The following ZNF33B variants were observed in gnomAD, a reference collection of about 807,000 sequenced individuals.
The protein encoded by ZNF33B is zinc finger protein 11b (KOX 2).
Under a neutral mutation model 45.8 loss-of-function variants are expected in ZNF33B, and 29 were observed. That is an observed-to-expected ratio of 0.63 (90% CI 0.47 to 0.86). The LOEUF is 0.86. ZNF33B is among the 40% of genes least tolerant of loss of function. The probability of loss-of-function intolerance (pLI) is 0.00; values close to 1 mark genes in which losing one functional copy is unlikely to be tolerated. For missense variants in ZNF33B, 831 were observed against 909.9 expected (o/e 0.91, Z 1.12); for synonymous variants, 305 against 307.8 (o/e 0.99, Z 0.10).
At position 42,631,705 on chromosome 10, in the gene ZNF33B, G is replaced by C. The variant is rs145533688; in HGVS notation, c.250+224C>G. On this transcript the variant is annotated intron_variant, in intron 4 of 4. Transcript: ENST00000359467. ...TGGGCAAAGACTGAACTATTGGCAG[G>C]TGTAAGAATGGTAAACCTTCAAAAA... The C allele has an allele frequency of 2.1e-3, 1,007 of 490,676 alleles. 7 individuals carry two copies. Among genetic ancestry groups the C allele is most frequent in the African/African-American group, 0.017 (856 of 51,470 alleles). 30.4% of individuals were successfully genotyped at this position (490,676 alleles called of 1,614,324 possible).
downstream of ZNF33B, among the ~76,000 whole-genome samples, chr10:42,586,949 G>A (rs552720608): frequency 2.6e-5 from 4 of 152,132 alleles, no homozygotes; most frequent in Admixed American, 6.5e-5. Context: ...GATGAAAGGT[G>A]AGTATCCAGT....
chr10:42,593,377 A>G lies in ZNF33B; in HGVS notation c.1573T>C (p.Tyr525His). Reference sequence around the variant, plus strand: ...GTTTTCCCACATTCATAACATTCATAAGGTTTCAACCCTGTATGAATTATC... The same window carrying G: ...GTTTTCCCACATTCATAACATTCATGAGGTTTCAACCCTGTATGAATTATC... ...HQIIHTGLKP[Y>H]ECYECGKTFC... is the part of the protein sequence containing the mutation. Residue 525 changes from tyrosine to histidine, a missense_variant, in exon 5 of 5, where the codon TAT becomes CAT. Transcript: ENST00000359467. 1 of 1,613,698 alleles carries G rather than the reference A, an allele frequency of 6.2e-7. No homozygotes were observed. The highest frequency in any genetic ancestry group is 8.5e-7 in the Non-Finnish European group (1 of 1,179,850).
At chr10:42,584,185 G>C (rs1209202228), downstream of ZNF33B, among the ~76,000 whole-genome samples, 1 of 152,222 alleles carries the variant, frequency 6.6e-6, no homozygotes, top group African/African-American at 2.4e-5. Context: ...TGTGTCAACA[G>C]GACCAACTCT....
Position 42,593,770 on chromosome 10 carries a change from A to C in ZNF33B, c.1180T>G (p.Phe394Val). The C allele has an allele frequency of 6.2e-7, 1 of 1,613,916 alleles. No homozygotes were observed. Among genetic ancestry groups the C allele is most frequent in the South Asian group, 1.1e-5 (1 of 91,062 alleles). The part of the protein sequence containing the change: ...PFECNECGKA[F>V]SHKSALTLHQ... ...AATGTGAGGGCTGACTTATGGCTAA[A>C]GGCTTTCCCACATTCATTGCATTCA... The change falls in exon 5 of 5, where the codon TTT becomes GTT. Residue 394 changes from phenylalanine (F) to valine (V), a missense_variant. Physicochemically the swap from Phe to Val is conservative, Grantham distance 50. Transcript: ENST00000359467.
intron 1 of ZNF33B, among the ~76,000 whole-genome samples, chr10:42,577,955 T>A (rs1228897307): frequency 6.6e-6 from 1 of 151,912 alleles, no homozygotes; most frequent in Non-Finnish European, 1.5e-5. Flanking sequence ...AGGCAGTGAG[T>A]GGGCAGGGGT....
At chr10:42,600,821 C>G (rs1837589087) in intron 4 of ZNF33B, among the ~76,000 whole-genome samples, 1 of 152,092 alleles carries the variant, frequency 6.6e-6, no homozygotes, top group Non-Finnish European at 1.5e-5. Flanking sequence ...CCCCACAATA[C>G]ATTTGATGTT....
chr10:42,579,571 C>T (rs1221388606), intron 1 of ZNF33B, among the ~76,000 whole-genome samples: 5 of 152,042 alleles, frequency 3.3e-5, no homozygotes, highest in Admixed American at 3.3e-4. Flanking sequence ...AGTGTGCATC[C>T]AAAAAGTACA....
intron 4 of ZNF33B, among the ~76,000 whole-genome samples, chr10:42,623,324 C>G (rs1838671393): frequency 6.6e-6 from 1 of 152,090 alleles, no homozygotes; most frequent in African/African-American, 2.4e-5. Context: ...CCCCAAAAAG[C>G]TAAAAGAAAT....
chr10:42,610,642 C>A (rs901176918), intron 4 of ZNF33B, among the ~76,000 whole-genome samples: 3 of 152,092 alleles, frequency 2.0e-5, no homozygotes, highest in Non-Finnish European at 2.9e-5. Context: ...CTGAAAACCA[C>A]AAAACAATGA....
At chr10:42,602,441 C>A (rs1329707753) in intron 4 of ZNF33B, among the ~76,000 whole-genome samples, 1 of 152,020 alleles carries the variant, frequency 6.6e-6, no homozygotes, top group African/African-American at 2.4e-5. Flanking sequence ...ATTTCAATTT[C>A]CTGGTTAGTC....
At chr10:42,586,076 G>A (rs539346538), downstream of ZNF33B, among the ~76,000 whole-genome samples, 3 of 152,038 alleles carry the variant, frequency 2.0e-5, no homozygotes, top group Admixed American at 6.5e-5. Context: ...TTTGCTTTAC[G>A]GTTTCTCTAG....
At chr10:42,621,329 T>TA (rs142897968) in intron 4 of ZNF33B, among the ~76,000 whole-genome samples, 75 of 148,844 alleles carry the variant, frequency 5.0e-4, no homozygotes, top group Middle Eastern at 3.4e-3. Flanking sequence ...GAGACTCTTT[T>TA]AAAAAAAAAA....
At chr10:42,637,232 A>G (rs562139695) in intron 1 of ZNF33B, among the ~76,000 whole-genome samples, 5 of 152,194 alleles carry the variant, frequency 3.3e-5, no homozygotes, top group Non-Finnish European at 5.9e-5. Flanking sequence ...AAGGATTTCA[A>G]TCTCCCTCAG....
At chr10:42,630,418 T>C (rs1471791433) in intron 4 of ZNF33B, among the ~76,000 whole-genome samples, 2 of 152,206 alleles carry the variant, frequency 1.3e-5, no homozygotes, top group Non-Finnish European at 2.9e-5. Context: ...AAAAATTTAA[T>C]TATAGTGTGA....
chr10:42,606,783 C>G (rs1254613628), intron 4 of ZNF33B, among the ~76,000 whole-genome samples: 1 of 109,104 alleles, frequency 9.2e-6, no homozygotes, highest in Non-Finnish European at 1.9e-5. Context: ...ACATGTATCA[C>G]AGAACTTAAA....
rs375898281 is a variant in ZNF33B at position 42,608,640 on chromosome 10, C to G, written c.251-13941G>C. Among the ~76,000 whole-genome samples the G allele has an allele frequency of 2.2e-4, 34 of 151,910 alleles. 1 individual carries two copies. The highest frequency in any genetic ancestry group is 8.2e-4 in the African/African-American group (34 of 41,470). On this transcript the variant is annotated intron_variant, in intron 4 of 4. Transcript: ENST00000359467. ...TCAAACTTATGGAACACAGATAAAG[C>G]AATGCTTAGAGAGAGATTTGTAGCT...
intron 4 of ZNF33B, among the ~76,000 whole-genome samples, chr10:42,612,710 C>A (rs1838153531): frequency 6.6e-6 from 1 of 152,044 alleles, no homozygotes; most frequent in Non-Finnish European, 1.5e-5. Context: ...GAAAAAATAG[C>A]CTTTTAAAAA....
In ZNF33B at chr10:42,593,382, T is replaced by G; in HGVS notation, c.1568A>C (p.Lys523Thr). 6.2e-7 allele frequency: 1 copy of G among 1,613,924 alleles called. No homozygotes were observed. Among genetic ancestry groups the G allele is most frequent in the South Asian group, 1.1e-5 (1 of 91,074 alleles). Reference sequence around the variant, plus strand: ...CCCACATTCATAACATTCATAAGGTTTCAACCCTGTATGAATTATCTGATG... The same window carrying G: ...CCCACATTCATAACATTCATAAGGTGTCAACCCTGTATGAATTATCTGATG... Reference protein sequence around the residue: ...TRHQIIHTGLKPYECYECGKT... With the variant: ...TRHQIIHTGLTPYECYECGKT... The change falls in exon 5 of 5, where the codon AAA becomes ACA. Residue 523 changes from lysine to threonine, a missense_variant. Lys to Thr is a moderately conservative substitution (Grantham distance 78). Coordinates refer to ENST00000359467, the MANE Select transcript of ZNF33B (RefSeq NM_006955.3).
intron 4 of ZNF33B, among the ~76,000 whole-genome samples, chr10:42,603,691 G>C (rs1403398510): frequency 6.6e-6 from 1 of 152,168 alleles, no homozygotes; most frequent in African/African-American, 2.4e-5. Flanking sequence ...GGACAGTGTT[G>C]AAAACAATAG....
Sources: allele counts gnomAD v4.1 joint callset (sites outside exome capture counted in the v4.1 genomes callset), GRCh38; gene constraint gnomAD v4.1.1; transcripts MANE v1.5; gene names NCBI Gene and HGNC (gene_info 2026-07-23, HGNC 2026-07-21).